The following RHBDD1 variants were observed in gnomAD, a reference collection of about 807,000 sequenced individuals.
RHBDD1 encodes rhomboid domain containing 1.
Under a neutral mutation model 36.3 loss-of-function variants are expected in RHBDD1, and 38 were observed. The observed-to-expected ratio is 1.05, with a 90% confidence interval of 0.81 to 1.37. The LOEUF is 1.37. Among genes scored for constraint, RHBDD1 ranks in the 40% most tolerant of loss-of-function variants. The pLI, the probability that RHBDD1 is intolerant of heterozygous loss-of-function variation, is 0.00. For missense variants in RHBDD1, 393 were observed against 377.6 expected, an observed-to-expected ratio of 1.04 and a Z score of -0.34; for synonymous variants, 151 against 136.5, an observed-to-expected ratio of 1.11 and a Z score of -0.74.
intron 3 of RHBDD1, among the ~76,000 whole-genome samples, chr2:226,846,506 G>A (rs1347198947): frequency 6.6e-6 from 1 of 152,168 alleles, no homozygotes; most frequent in African/African-American, 2.4e-5. Flanking sequence ...CACTTTGGGA[G>A]GCTGAGGCAG....
the RHBDD1 span, among the ~76,000 whole-genome samples, chr2:226,810,323 T>G: frequency 2.6e-5 from 4 of 151,938 alleles, no homozygotes; most frequent in African/African-American, 7.3e-5. Context: ...GTGGAACACC[T>G]AAGGTCAGGA....
chr2:226,943,126 TC>T (rs1363922046), intron 8 of RHBDD1, among the ~76,000 whole-genome samples: 3 of 152,190 alleles, frequency 2.0e-5, no homozygotes, highest in Non-Finnish European at 4.4e-5. Flanking sequence ...ATGGCAGTTC[TC>T]CAGTGATTCA....
intron 5 of RHBDD1, among the ~76,000 whole-genome samples, chr2:226,900,887 T>A (rs1947528257): frequency 6.6e-6 from 1 of 152,338 alleles, no homozygotes; most frequent in African/African-American, 2.4e-5. Flanking sequence ...GTGAGAACAC[T>A]CAAGATGTAC....
At chr2:226,992,245 A>G (rs1958395668) in intron 8 of RHBDD1, among the ~76,000 whole-genome samples, 1 of 152,228 alleles carries the variant, frequency 6.6e-6, no homozygotes, top group African/African-American at 2.4e-5. Context: ...TGTGGCTCCA[A>G]CGCAGAGCAC....
chr2:226,956,542 T>C (rs1951804434), intron 8 of RHBDD1, among the ~76,000 whole-genome samples: 1 of 152,158 alleles, frequency 6.6e-6, no homozygotes, highest in South Asian at 2.1e-4. Flanking sequence ...GTTGTTGTTG[T>C]TGTTGTTGTG....
At chr2:226,906,725 A>T (rs985781413) in intron 5 of RHBDD1, 68 bp from the exon 6 acceptor site, 10 of 1,612,914 alleles carry the variant, frequency 6.2e-6, no homozygotes, top group African/African-American at 2.7e-5. Context: ...CACTGGGCTA[A>T]TGAGAAGACA....
At chr2:226,987,890 C>T (rs963615008) in intron 8 of RHBDD1, among the ~76,000 whole-genome samples, 2 of 152,188 alleles carry the variant, frequency 1.3e-5, no homozygotes, top group African/African-American at 2.4e-5. Context: ...CAATAATCTG[C>T]ATTTTGAACA....
chr2:226,958,521 CTAAG>C (rs1382941300), intron 8 of RHBDD1, among the ~76,000 whole-genome samples: 4 of 152,072 alleles, frequency 2.6e-5, no homozygotes, highest in Admixed American at 2.6e-4. Context: ...ATTGTCCACT[CTAAG>C]TAGGCGAATT....
intron 5 of RHBDD1, among the ~76,000 whole-genome samples, chr2:226,873,567 A>G (rs539695999): frequency 6.6e-6 from 1 of 152,268 alleles, no homozygotes; most frequent in African/African-American, 2.4e-5. Context: ...GTTTCTGTTG[A>G]GAGGGGGTTG....
At chr2:226,872,023 G>C (rs986233559) in intron 5 of RHBDD1, among the ~76,000 whole-genome samples, 12 of 152,060 alleles carry the variant, frequency 7.9e-5, no homozygotes, top group Non-Finnish European at 1.6e-4. Context: ...TATTTTAGGG[G>C]GAATTATAAA....
intron 8 of RHBDD1, among the ~76,000 whole-genome samples, chr2:226,966,786 C>G (rs1952666040): frequency 6.6e-6 from 1 of 151,982 alleles, no homozygotes; most frequent in African/African-American, 2.4e-5. Context: ...CCACTTCAAC[C>G]TTCTGAATAG....
chr2:226,994,593 TA>T (rs1169126009), intron 8 of RHBDD1, among the ~76,000 whole-genome samples: 1 of 152,184 alleles, frequency 6.6e-6, no homozygotes, highest in African/African-American at 2.4e-5. Context: ...TGCTTAGAAG[TA>T]AACCTCTACT....
intron 5 of RHBDD1, chr2:226,867,780 G>A (rs964955551): frequency 3.5e-5 from 18 of 519,948 alleles, no homozygotes; most frequent in Middle Eastern, 9.8e-4. Context: ...GTGCAGTGGC[G>A]TGATCTCAGC....
intron 5 of RHBDD1, among the ~76,000 whole-genome samples, chr2:226,896,769 C>A (rs1947129600): frequency 6.7e-6 from 1 of 148,942 alleles, no homozygotes; most frequent in East Asian, 1.9e-4. Flanking sequence ...CCGTGCAGCA[C>A]CCTGTGCCCA....
intron 8 of RHBDD1, among the ~76,000 whole-genome samples, chr2:226,958,891 T>G (rs1180344798): frequency 1.3e-5 from 2 of 152,174 alleles, no homozygotes; most frequent in African/African-American, 4.8e-5. Flanking sequence ...AAGACATTTT[T>G]TCTTCCCCTT....
In RHBDD1 at chr2:226,997,318, T is replaced by A. The variant is rs1040077215; in HGVS notation, c.*1796T>A. 2.6e-5 allele frequency: 4 copies of A among 152,244 alleles called. No homozygotes were observed. The highest frequency in any genetic ancestry group is 2.0e-4 in the Admixed American group (3 of 15,288). 9.4% of individuals were successfully genotyped at this position (152,244 alleles called of 1,614,324 possible). Reference sequence around the variant, plus strand: ...CCAAATTCTGTAAGTTTGACTCCCGTTACCCCAATTAGAAGTAACTTCTTT... The same window carrying A: ...CCAAATTCTGTAAGTTTGACTCCCGATACCCCAATTAGAAGTAACTTCTTT... On this transcript the variant is annotated 3_prime_UTR_variant, in exon 9 of 9. Coordinates refer to ENST00000392062, the MANE Select transcript of RHBDD1 (RefSeq NM_001167608.3).
At chr2:226,929,939 A>G (rs1046928027) in intron 8 of RHBDD1, among the ~76,000 whole-genome samples, 2 of 151,864 alleles carry the variant, frequency 1.3e-5, no homozygotes, top group Non-Finnish European at 1.5e-5. Flanking sequence ...AACAAAACAA[A>G]CTGGGGATAA....
rs147130529 is a variant in RHBDD1 at position 226,955,069 on chromosome 2, G to A, written c.857-40362G>A. Among the ~76,000 whole-genome samples, 306 of 151,982 alleles carry A rather than the reference G, an allele frequency of 2.0e-3. 1 individual carries two copies. Among genetic ancestry groups the A allele is most frequent in the Non-Finnish European group, 3.3e-3 (225 of 67,954 alleles). ...AGCAGTGAGTCAGGCAGTAGACTGG[G>A]GCCAAGAACTCACAGGACCTTGAGG... On this transcript the variant is annotated intron_variant, in intron 8 of 8. Coordinates refer to ENST00000392062, the MANE Select transcript of RHBDD1 (RefSeq NM_001167608.3).
intron 8 of RHBDD1, among the ~76,000 whole-genome samples, chr2:226,969,934 G>T (rs1444660931): frequency 6.6e-6 from 1 of 151,788 alleles, no homozygotes; most frequent in Non-Finnish European, 1.5e-5. Context: ...AGGAGGGTCT[G>T]GTGTACTGGA....
Sources: allele counts gnomAD v4.1 joint callset (sites outside exome capture counted in the v4.1 genomes callset), GRCh38; gene constraint gnomAD v4.1.1; transcripts MANE v1.5; gene names NCBI Gene and HGNC (gene_info 2026-07-23, HGNC 2026-07-21).